Variants in MATK observed in about 807,000 individuals in gnomAD.
MATK encodes megakaryocyte-associated tyrosine kinase, also known as megakaryocyte-associated tyrosine-protein kinase.
In MATK, 41 loss-of-function variants were observed where a neutral mutation model predicts 59.8. The observed-to-expected ratio is 0.69, with a 90% CI of 0.53 to 0.89. The LOEUF is 0.89. Among genes scored for constraint, MATK ranks in the 40% least tolerant of loss-of-function variants. The pLI is 0.00. For synonymous variants in MATK, 308 were observed against 306.1 expected (o/e 1.01, Z -0.06); for missense variants, 593 against 719.6 (o/e 0.82, Z 2.01).
chr19:3,784,362 C>T lies in MATK; in HGVS notation c.222G>A (p.Val74=), dbSNP rs752974919. 4 of 1,607,836 alleles carry T rather than the reference C, an allele frequency of 2.5e-6. No homozygotes were observed. The highest frequency in any genetic ancestry group is 1.3e-5 in the African/African-American group (1 of 74,858). ...PGELAFRKGD[V]VTILEACENK... ...CCTCGCAGGCCTCCAGGATGGTGAC[C>T]ACGTCGCCCTTGCGGAAGGCCAGCT... The change falls in exon 4 of 14, where the codon GTG becomes GTA. Residue 74 remains valine (V), a synonymous_variant. Coordinates refer to ENST00000310132, the MANE Select transcript of MATK (RefSeq NM_139355.3).
At chr19:3,799,858 G>C (rs1354350707) in intron 1 of MATK, among the ~76,000 whole-genome samples, 1 of 143,750 alleles carries the variant, frequency 7.0e-6, no homozygotes, top group African/African-American at 2.6e-5. Flanking sequence ...AATAAGATGT[G>C]TCAGCCGGGC....
intron 8 of MATK, 84 bp from the exon 9 acceptor site, chr19:3,779,881 A>G: frequency 2.4e-6 from 2 of 829,062 alleles, no homozygotes; most frequent in Non-Finnish European, 4.2e-6. Flanking sequence ...GCCCGCTCAC[A>G]CCGGTGCCCA....
In MATK at chr19:3,785,226, C is replaced by G. The variant is rs556175363; in HGVS notation, c.-91G>C. 1 of 1,591,086 alleles carries G rather than the reference C, an allele frequency of 6.3e-7. No individual in the cohort carries two copies. Among genetic ancestry groups the G allele is most frequent in the Non-Finnish European group, 8.5e-7 (1 of 1,171,120 alleles). ...TGGGAATGGCCTGCCACAGGCCAGT[C>G]GGCTGGCACAGGAGGTAGGGAGCTG... is the stretch of plus-strand genomic sequence containing the variant. On this transcript the variant is annotated 5_prime_UTR_variant, in exon 2 of 14. Transcript: ENST00000310132.
chr19:3,791,228 T>C (rs1022091598), upstream of MATK, among the ~76,000 whole-genome samples: 71 of 152,094 alleles, frequency 4.7e-4, 1 homozygote, highest in Non-Finnish European at 8.1e-4. Flanking sequence ...GAGGGATGCC[T>C]CGAGCTTCTC....
chr19:3,779,545 C>T lies in MATK; in HGVS notation c.915G>A (p.Glu305=), dbSNP rs749668793. Residue 305 remains glutamate, a synonymous_variant, in exon 10 of 14, where the codon GAG becomes GAA. Transcript: ENST00000310132. The stretch of plus-strand genomic sequence containing the variant: ...GGCCCCGCCCCACCTTGCTCACGTG[C>T]TCCATGACAATGTACAGCCCCTGGT... The part of the protein sequence containing the change: ...ILHQGLYIVM[E]HVSKGNLVNF... The T allele has an allele frequency of 1.9e-6, 3 of 1,611,800 alleles. No individual in the cohort carries two copies. Among genetic ancestry groups the T allele is most frequent in the Non-Finnish European group, 1.7e-6 (2 of 1,179,406 alleles).
At chr19:3,787,245 G>C, upstream of MATK, among the ~76,000 whole-genome samples, 1 of 150,276 alleles carries the variant, frequency 6.7e-6, no homozygotes, top group Non-Finnish European at 1.5e-5. Flanking sequence ...CCAGCCTCCC[G>C]CCTCAGCCTC....
At chr19:3,789,186 T>C (rs1363252163), upstream of MATK, 1 of 683,896 alleles carries the variant, frequency 1.5e-6, no homozygotes, top group Admixed American at 2.1e-5. Flanking sequence ...CCACCATATA[T>C]GGCAAACCAC....
In MATK at chr19:3,783,229, G is replaced by A. The variant is rs2037426067; in HGVS notation, c.583-10C>T. 6.2e-7 allele frequency: 1 copy of A among 1,608,804 alleles called. No individual in the cohort carries two copies. Among genetic ancestry groups the A allele is most frequent in the East Asian group, 2.2e-5 (1 of 44,776 alleles). On this transcript the variant is annotated splice_polypyrimidine_tract_variant and intron_variant, in intron 6 of 13. Coordinates refer to ENST00000310132, the MANE Select transcript of MATK (RefSeq NM_139355.3). ...TGTCCTTGCTGTAATGCTGCAGGAT[G>A]GTGGGACAGCCATGAGCCCAGCCCC...
At chr19:3,798,841 TGTC>T (rs1036321816) in intron 1 of MATK, among the ~76,000 whole-genome samples, 60 of 151,656 alleles carry the variant, frequency 4.0e-4, no homozygotes, top group African/African-American at 1.4e-3. Context: ...GGTCTCACTC[TGTC>T]GTACAGGATG....
At chr19:3,778,462 C>T (rs2037350551) in intron 13 of MATK, 40 bp from the exon 14 acceptor site, 1 of 1,613,702 alleles carries the variant, frequency 6.2e-7, no homozygotes, top group Non-Finnish European at 8.5e-7. Context: ...GGGCCACAGC[C>T]TCTGGACCTG....
In MATK at chr19:3,779,401, G is replaced by C; in HGVS notation, c.978C>G (p.Thr326=). Reference sequence around the variant, plus strand: ...ACAGAGAAAACTGCAGGAGCTGAGCGGTGTTCACGAGGGCTCGACCCCGGG... The same window carrying C: ...ACAGAGAAAACTGCAGGAGCTGAGCCGTGTTCACGAGGGCTCGACCCCGGG... ...LRTRGRALVN[T]AQLLQFSLHV... is the part of the protein sequence containing the mutation. The change falls in exon 11 of 14, where the codon ACC becomes ACG. Residue 326 remains threonine (T), a synonymous_variant. Transcript: ENST00000310132. 6.2e-7 allele frequency: 1 copy of C among 1,613,304 alleles called. No individual in the cohort carries two copies. Among genetic ancestry groups the C allele is most frequent in the Non-Finnish European group, 8.5e-7 (1 of 1,180,008 alleles).
intron 8 of MATK, among the ~76,000 whole-genome samples, chr19:3,781,136 G>A (rs1373804638): frequency 6.6e-6 from 1 of 152,130 alleles, no homozygotes; most frequent in Non-Finnish European, 1.5e-5. Context: ...AGTTTTCATG[G>A]CCACGCCCAT....
chr19:3,800,659 G>A (rs1449699850), intron 1 of MATK, among the ~76,000 whole-genome samples: 1 of 151,866 alleles, frequency 6.6e-6, no homozygotes, highest in Non-Finnish European at 1.5e-5. Context: ...GAAAAAAAAA[G>A]GAAAAGAAAG....
chr19:3,785,012 G>T, intron 2 of MATK, 52 bp downstream of exon 2: 1 of 1,580,424 alleles, frequency 6.3e-7, no homozygotes, highest in Non-Finnish European at 8.7e-7. Context: ...GAGGCATCCT[G>T]GATGGGACCC....
chr19:3,783,859 T>G lies in MATK; in HGVS notation c.537A>C (p.Thr179=). 6.2e-7 allele frequency: 1 copy of G among 1,613,138 alleles called. No homozygotes were observed. The highest frequency in any genetic ancestry group is 8.5e-7 in the Non-Finnish European group (1 of 1,179,810). Residue 179 remains threonine, a synonymous_variant, in exon 6 of 14, where the codon ACA becomes ACC. Coordinates refer to ENST00000310132, the MANE Select transcript of MATK (RefSeq NM_139355.3). ...YRVLHRDGHL[T]IDEAVFFCNL... is the part of the protein sequence containing the mutation. ...TGCAGAAGAACACGGCCTCATCGAT[T>G]GTGAGGTGGCCGTCGCGGTGCAGCA...
chr19:3,778,139 C>T lies in MATK; in HGVS notation c.*44G>A. 4.6e-6 allele frequency: 7 copies of T among 1,526,468 alleles called. No homozygotes were observed. The highest frequency in any genetic ancestry group is 6.1e-6 in the Non-Finnish European group (7 of 1,143,048). The allele number at this position is 1,526,468 out of a possible 1,614,324, so 94.6% of individuals were successfully genotyped here. A position where few individuals can be genotyped will look rare whatever the true frequency, so the allele number is the denominator to read the frequency against. On this transcript the variant is annotated 3_prime_UTR_variant, in exon 14 of 14. Coordinates refer to ENST00000310132, the MANE Select transcript of MATK (RefSeq NM_139355.3). ...GGTCAGTGCCCCCACGCCGCACTCT[C>T]CACTCTCTCGGTCCTCTGGGGCCAA...
intron 6 of MATK, among the ~76,000 whole-genome samples, chr19:3,783,582 T>G (rs1445858252): frequency 6.6e-6 from 1 of 151,766 alleles, no homozygotes; most frequent in Non-Finnish European, 1.5e-5. Flanking sequence ...GATGGGGGCC[T>G]GGGGGTGCCT....
rs146631970 is a variant in MATK at position 3,797,238 on chromosome 19, A to ACC, written c.-58+4292_-58+4293dup. Among the ~76,000 whole-genome samples the ACC allele has an allele frequency of 1.3e-3, 106 of 84,364 alleles. 1 individual carries two copies. In the South Asian group the frequency reaches 0.017, roughly 13 times the overall value. 55.3% of individuals were successfully genotyped at this position (84,364 alleles called of 152,430 possible). ...CATTTTCTTGCCTACCTTCCCCCCCACCCCCCCACTTTCTACTTTTTCTTC... is the reference window on the plus strand; with the variant it reads ...CATTTTCTTGCCTACCTTCCCCCCCACCCCCCCCCACTTTCTACTTTTTCTTC... On this transcript the variant is annotated intron_variant, in intron 1 of 13. Transcript: ENST00000395045.
chr19:3,783,303 TG>T, intron 6 of MATK, 84 bp from the exon 7 acceptor site: 1 of 61,136 alleles, frequency 1.6e-5, no homozygotes, highest in Non-Finnish European at 3.8e-5. Flanking sequence ...GGCCTCTGGG[TG>T]GGGTGGGTGG....
Sources: allele counts gnomAD v4.1 joint callset (sites outside exome capture counted in the v4.1 genomes callset), GRCh38; gene constraint gnomAD v4.1.1; transcripts MANE v1.5; gene names NCBI Gene and HGNC (gene_info 2026-07-23, HGNC 2026-07-21).